Variants in BIRC6 observed in about 807,000 individuals in gnomAD.
The protein encoded by BIRC6 is baculoviral IAP repeat containing 6.
A neutral mutation model predicts 503.3 loss-of-function variants in BIRC6; 98 were observed. That is an observed-to-expected ratio of 0.19 (90% CI 0.17 to 0.23). The LOEUF is 0.23. BIRC6 is among the 10% of genes least tolerant of loss of function. BIRC6 has a pLI of 1.00. For synonymous variants in BIRC6, 2,240 were observed against 2,078.7 expected, an observed-to-expected ratio of 1.08 and a Z score of -2.11; for missense variants, 5,360 against 5,806.0, an observed-to-expected ratio of 0.92 and a Z score of 2.50.
In BIRC6 at chr2:32,481,431, C is replaced by T. The variant is rs1254872828; in HGVS notation, c.7520C>T (p.Pro2507Leu). Residue 2507 changes from proline (P) to leucine (L), a missense_variant, in exon 38 of 74, where the codon CCT becomes CTT. Coordinates refer to ENST00000421745, the MANE Select transcript of BIRC6 (RefSeq NM_016252.4). ...TTAGATATTGATTTGGAAAAGGACC[C>T]TCTTGCAGCCAAGGTTTTTAAGGTA... ...DPLDIDLEKD[P>L]LAAKVFKPIS... is the part of the protein sequence containing the mutation. The T allele has an allele frequency of 6.2e-7, 1 of 1,611,340 alleles. No individual in the cohort carries two copies. The highest frequency in any genetic ancestry group is 1.7e-5 in the Admixed American group (1 of 59,632).
chr2:32,481,533 A>C, intron 38 of BIRC6, 80 bp downstream of exon 38: 1 of 1,179,128 alleles, frequency 8.5e-7, no homozygotes, highest in Non-Finnish European at 1.1e-6. Context: ...TTGGGAGGCC[A>C]AGGTGGGCAG....
intron 53 of BIRC6, among the ~76,000 whole-genome samples, chr2:32,512,215 C>G (rs966579099): frequency 6.6e-6 from 1 of 152,026 alleles, no homozygotes; most frequent in Non-Finnish European, 1.5e-5. Flanking sequence ...TATTATATAC[C>G]TTCCTATCCC....
chr2:32,460,727 C>T (rs1365783704), intron 23 of BIRC6, among the ~76,000 whole-genome samples: 2 of 151,748 alleles, frequency 1.3e-5, no homozygotes, highest in African/African-American at 2.4e-5. Flanking sequence ...TTTACGTCTT[C>T]TGTTTGCTTG....
intron 1 of BIRC6, among the ~76,000 whole-genome samples, chr2:32,358,032 T>A (rs1331721885): frequency 1.0e-4 from 1 of 9,550 alleles, no homozygotes; most frequent in Non-Finnish European, 2.0e-4. Flanking sequence ...AGCGTGGGGG[T>A]GGGGGTGGGG....
intron 23 of BIRC6, among the ~76,000 whole-genome samples, chr2:32,457,682 A>T (rs1279838330): frequency 1.3e-5 from 2 of 151,854 alleles, no homozygotes; most frequent in Non-Finnish European, 2.9e-5. Flanking sequence ...ATTTTCATTG[A>T]TTTTTATTCC....
intron 65 of BIRC6, among the ~76,000 whole-genome samples, chr2:32,570,757 C>T (rs943552375): frequency 6.6e-6 from 1 of 152,114 alleles, no homozygotes; most frequent in African/African-American, 2.4e-5. Flanking sequence ...CCTTGGCCTC[C>T]CAAAGTGCTG....
chr2:32,452,819 G>A (rs980770491), intron 22 of BIRC6, among the ~76,000 whole-genome samples: 31 of 152,022 alleles, frequency 2.0e-4, no homozygotes, highest in Admixed American at 1.4e-3. Flanking sequence ...TGAGGACTGG[G>A]ACTTACCTTT....
In BIRC6 at chr2:32,543,234, TC is replaced by T; in HGVS notation, c.12292-6del. 6.2e-7 allele frequency: 1 copy of T among 1,610,250 alleles called. No individual in the cohort carries two copies. On this transcript the variant is annotated splice_region_variant and splice_polypyrimidine_tract_variant and intron_variant, in intron 61 of 73. Coordinates refer to ENST00000421745, the MANE Select transcript of BIRC6 (RefSeq NM_016252.4). ...ATGGCCAAGCCAACACTTTTCTTTTTCTTTAGGTGAGTGCTCCAGTTGTAAC... is the reference window on the plus strand; with the variant it reads ...ATGGCCAAGCCAACACTTTTCTTTTTTTTAGGTGAGTGCTCCAGTTGTAAC...
intron 1 of BIRC6, among the ~76,000 whole-genome samples, chr2:32,374,473 A>T (rs540596483): frequency 5.4e-5 from 8 of 149,412 alleles, no homozygotes; most frequent in Non-Finnish European, 1.2e-4. Flanking sequence ...AAATTTTTTT[A>T]ATTTTTTTTT....
intron 66 of BIRC6, among the ~76,000 whole-genome samples, chr2:32,591,413 A>C (rs1365534028): frequency 6.6e-6 from 1 of 152,182 alleles, no homozygotes; most frequent in East Asian, 1.9e-4. Context: ...CTATTTTAAT[A>C]ATCTCTTACT....
intron 61 of BIRC6, 59 bp from the exon 62 acceptor site, chr2:32,543,182 A>T: frequency 6.7e-7 from 1 of 1,491,948 alleles, no homozygotes; most frequent in Non-Finnish European, 9.2e-7. Flanking sequence ...TTAAGTCTTT[A>T]CTTTGAATCT....
At chr2:32,539,765 A>G (rs1480177598) in intron 61 of BIRC6, among the ~76,000 whole-genome samples, 7 of 152,122 alleles carry the variant, frequency 4.6e-5, no homozygotes, top group Admixed American at 2.0e-4. Flanking sequence ...CAGGAGTACA[A>G]TTAACCAAAA....
intron 57 of BIRC6, among the ~76,000 whole-genome samples, chr2:32,520,902 A>T (rs1375700660): frequency 6.6e-6 from 1 of 152,244 alleles, no homozygotes; most frequent in Non-Finnish European, 1.5e-5. Context: ...TCATATGTTT[A>T]ACTTGAAGTG....
At chr2:32,499,491 C>T in intron 45 of BIRC6, 56 bp from the exon 46 acceptor site, 1 of 1,397,420 alleles carries the variant, frequency 7.2e-7, no homozygotes, top group Admixed American at 2.8e-5. Context: ...AATCCTTTCT[C>T]TTGTTGTATC....
At chr2:32,607,407 C>T (rs780139666) in intron 71 of BIRC6, 48 bp from the exon 72 acceptor site, 2 of 1,304,662 alleles carry the variant, frequency 1.5e-6, no homozygotes, top group South Asian at 2.1e-5. Context: ...TCAGTTAACC[C>T]ACAGTAAAAA....
At chr2:32,460,272 A>ATTTTTTTTTTT (rs70938346) in intron 23 of BIRC6, among the ~76,000 whole-genome samples, 4 of 18,820 alleles carry the variant, frequency 2.1e-4, no homozygotes, top group East Asian at 2.3e-3. Context: ...ATATATATAT[A>ATTTTTTTTTTT]TTTTTTTTTT....
At chr2:32,424,376 G>T (rs1286547921) in intron 10 of BIRC6, among the ~76,000 whole-genome samples, 4 of 152,002 alleles carry the variant, frequency 2.6e-5, no homozygotes, top group Non-Finnish European at 5.9e-5. Context: ...CTCAGCATTT[G>T]GGTTGTTTCC....
chr2:32,361,489 T>A (rs2149089458), intron 1 of BIRC6, among the ~76,000 whole-genome samples: 1 of 152,258 alleles, frequency 6.6e-6, no homozygotes, highest in Non-Finnish European at 1.5e-5. Context: ...ACCAGAGTGG[T>A]ATGTTACCAT....
rs6713796 is a variant in BIRC6 at position 32,509,042 on chromosome 2, C to A, written c.9981-696C>A. ...CACGATTCCACCACTGCACTCCAGCCTGGGTGAGAGTGAACTCTGTCTTTA... is the reference window on the plus strand; with the variant it reads ...CACGATTCCACCACTGCACTCCAGCATGGGTGAGAGTGAACTCTGTCTTTA... On this transcript the variant is annotated intron_variant, in intron 51 of 73. Transcript: ENST00000421745. Among the ~76,000 whole-genome samples, 899 of 124,528 alleles carry A rather than the reference C, an allele frequency of 7.2e-3. 6 individuals carry two copies. The highest frequency in any genetic ancestry group is 0.026 in the African/African-American group (851 of 32,286). 81.7% of individuals were successfully genotyped at this position (124,528 alleles called of 152,430 possible). A position where few individuals can be genotyped will look rare whatever the true frequency, so the allele number is the denominator to read the frequency against.
Sources: allele counts gnomAD v4.1 joint callset (sites outside exome capture counted in the v4.1 genomes callset), GRCh38; gene constraint gnomAD v4.1.1; transcripts MANE v1.5; gene names NCBI Gene and HGNC (gene_info 2026-07-23, HGNC 2026-07-21).